MCTP1: variants seen among roughly 807,000 people sequenced by gnomAD.
The protein encoded by MCTP1 is multiple C2 and transmembrane domain containing 1.
A neutral mutation model predicts 120.6 loss-of-function variants in MCTP1; 69 were observed. The observed-to-expected ratio is 0.57, with a 90% CI of 0.47 to 0.70. The LOEUF is 0.70. Among genes scored for constraint, MCTP1 ranks in the 30% least tolerant of loss-of-function variants. The pLI is 0.00. For missense variants in MCTP1, 1,203 were observed against 1,248.8 expected (o/e 0.96, Z 0.55); for synonymous variants, 529 against 493.1 (o/e 1.07, Z -0.96).
chr5:95,227,940 T>C (rs1754467805), intron 1 of MCTP1, among the ~76,000 whole-genome samples: 1 of 152,134 alleles, frequency 6.6e-6, no homozygotes, highest in African/African-American at 2.4e-5. Context: ...AAATGCAAGC[T>C]TGAAGAGCTC....
rs970154972 is a variant in MCTP1, at chr5:94,705,900, T to C, written c.*1596A>G. On this transcript the variant is annotated 3_prime_UTR_variant, in exon 23 of 23. Coordinates refer to ENST00000515393, the MANE Select transcript of MCTP1 (RefSeq NM_024717.7). The stretch of plus-strand genomic sequence containing the variant: ...TAAACATGATACATTAAATAAAGCA[T>C]GTTGAGGTCAAAGCCTTTCTGTAGA... The C allele has an allele frequency of 2.0e-5, 3 of 151,652 alleles. No homozygotes were observed. The highest frequency in any genetic ancestry group is 1.9e-4 in the East Asian group (1 of 5,162). The allele number at this position is 151,652 out of a possible 1,614,324, so 9.4% of individuals were successfully genotyped here.
chr5:95,170,449 C>A (rs981189024), intron 1 of MCTP1, among the ~76,000 whole-genome samples: 1 of 152,158 alleles, frequency 6.6e-6, no homozygotes, highest in Admixed American at 6.5e-5. Context: ...GAGCTGAGTT[C>A]AATTCCTGAA....
At chr5:95,119,900 C>T (rs908570576) in intron 1 of MCTP1, among the ~76,000 whole-genome samples, 3 of 151,920 alleles carry the variant, frequency 2.0e-5, no homozygotes, top group East Asian at 3.9e-4. Context: ...CAGCCGGGCG[C>T]GGTGGCTCAC....
chr5:95,191,546 A>G (rs999852223), intron 1 of MCTP1, among the ~76,000 whole-genome samples: 1 of 151,966 alleles, frequency 6.6e-6, no homozygotes, highest in African/African-American at 2.4e-5. Context: ...TTCTATCACT[A>G]TAACTTCTTA....
chr5:94,926,566 T>C (rs1813179718), intron 6 of MCTP1, among the ~76,000 whole-genome samples: 1 of 152,150 alleles, frequency 6.6e-6, no homozygotes, highest in African/African-American at 2.4e-5. Context: ...CCTGACAAAA[T>C]TATAAATCGT....
At chr5:94,891,639 G>A (rs1177163602) in intron 11 of MCTP1, among the ~76,000 whole-genome samples, 1 of 151,828 alleles carries the variant, frequency 6.6e-6, no homozygotes, top group Non-Finnish European at 1.5e-5. Context: ...CATTTGGAGT[G>A]GTAATTATTG....
intron 5 of MCTP1, among the ~76,000 whole-genome samples, chr5:94,933,297 A>G (rs544778107): frequency 3.3e-5 from 5 of 151,918 alleles, no homozygotes; most frequent in Admixed American, 1.3e-4. Flanking sequence ...GAAGCAACAA[A>G]TCCCAGCATT....
chr5:94,867,282 G>A (rs939436299), intron 17 of MCTP1: 6 of 1,529,788 alleles, frequency 3.9e-6, no homozygotes, highest in Middle Eastern at 1.7e-4. Flanking sequence ...ACACGTCTAT[G>A]GGAAGCAGGC....
Position 95,240,777 on chromosome 5 carries a change from A to C in MCTP1, c.720+43079T>G, listed in dbSNP as rs543758604. On this transcript the variant is annotated intron_variant, in intron 1 of 22. Transcript: ENST00000515393. ...CTTAGCAGTGTGCCATTTTAGGTTT[A>C]ATCTAAACATTCCTCTACCTTTAGA... Among the ~76,000 whole-genome samples the C allele has an allele frequency of 7.9e-5, 12 of 152,120 alleles. No homozygotes were observed. The South Asian group carries it at 1.7e-3, about 21-fold the overall frequency.
chr5:94,845,066 A>G (rs1792015840), intron 17 of MCTP1, among the ~76,000 whole-genome samples: 1 of 152,264 alleles, frequency 6.6e-6, no homozygotes, highest in Non-Finnish European at 1.5e-5. Flanking sequence ...AAATATTTGC[A>G]AACTATATAT....
At chr5:94,946,508 A>T (rs1818970559) in intron 3 of MCTP1, among the ~76,000 whole-genome samples, 1 of 152,178 alleles carries the variant, frequency 6.6e-6, no homozygotes, top group Non-Finnish European at 1.5e-5. Context: ...ACATTTGGAA[A>T]ATCCTCAACT....
intron 1 of MCTP1, among the ~76,000 whole-genome samples, chr5:95,033,545 T>A (rs1840678385): frequency 6.6e-6 from 1 of 151,974 alleles, no homozygotes; most frequent in Admixed American, 6.6e-5. Flanking sequence ...TGATAAAAAC[T>A]CTCAACAAAC....
intron 7 of MCTP1, among the ~76,000 whole-genome samples, chr5:94,922,997 CAAA>C (rs202245253): frequency 0.18 from 17,833 of 98,394 alleles, 1,151 homozygotes; most frequent in South Asian, 0.28. Flanking sequence ...TAAAAAGCTG[CAAA>C]AAAAAAAAAA....
intron 19 of MCTP1, among the ~76,000 whole-genome samples, chr5:94,726,978 C>T (rs1330918896): frequency 6.6e-6 from 1 of 152,134 alleles, no homozygotes; most frequent in Non-Finnish European, 1.5e-5. Context: ...GTGACATCTC[C>T]ACAACCAAGT....
rs535877755 is a variant in MCTP1, at chr5:94,897,467, G to A, written c.1653-2632C>T. 1.3e-4 allele frequency among the ~76,000 whole-genome samples: 20 copies of A among 152,002 alleles called. No homozygotes were observed. In the South Asian group the frequency reaches 2.7e-3, roughly 21 times the overall value. On this transcript the variant is annotated intron_variant, in intron 10 of 22. Coordinates refer to ENST00000515393, the MANE Select transcript of MCTP1 (RefSeq NM_024717.7). ...TGTCTCCTGGGTTCAAGCAATTCTCGTGCCTCAGCCTCCCAAATAACTGGG... is the reference window on the plus strand; with the variant it reads ...TGTCTCCTGGGTTCAAGCAATTCTCATGCCTCAGCCTCCCAAATAACTGGG...
intron 2 of MCTP1, among the ~76,000 whole-genome samples, chr5:94,981,647 C>T (rs530144213): frequency 6.6e-6 from 1 of 152,060 alleles, no homozygotes; most frequent in Non-Finnish European, 1.5e-5. Flanking sequence ...TGGGTAAAGG[C>T]GTGGTGGTCA....
At chr5:95,175,138 T>A (rs1035051295) in intron 1 of MCTP1, among the ~76,000 whole-genome samples, 3 of 152,200 alleles carry the variant, frequency 2.0e-5, no homozygotes, top group Non-Finnish European at 2.9e-5. Context: ...CACTTTTAAA[T>A]CAATTTTTTG....
intron 1 of MCTP1, among the ~76,000 whole-genome samples, chr5:95,211,994 G>A (rs1752436413): frequency 6.6e-6 from 1 of 152,118 alleles, no homozygotes; most frequent in African/African-American, 2.4e-5. Context: ...AAAGCTAGCA[G>A]AAGGCAAGAA....
chr5:95,262,644 C>A (rs1383964154), intron 1 of MCTP1, among the ~76,000 whole-genome samples: 1 of 152,020 alleles, frequency 6.6e-6, no homozygotes, highest in South Asian at 2.1e-4. Flanking sequence ...AAATAAATTC[C>A]TTGTAAACAT....
Sources: allele counts gnomAD v4.1 joint callset (sites outside exome capture counted in the v4.1 genomes callset), GRCh38; gene constraint gnomAD v4.1.1; transcripts MANE v1.5; gene names NCBI Gene and HGNC (gene_info 2026-07-23, HGNC 2026-07-21).